The following RAI14 variants were observed in gnomAD, a reference collection of about 807,000 sequenced individuals.
The protein encoded by RAI14 is ankycorbin.
RAI14 carries 45 observed loss-of-function variants against 115.4 expected under a neutral mutation model. The ratio of observed to expected loss-of-function variants is 0.39; its 90% CI spans 0.31 to 0.50. The LOEUF (loss-of-function observed/expected upper bound fraction) is 0.50, where lower values mean the gene tolerates loss of function less well. Among genes scored for constraint, RAI14 ranks in the 20% least tolerant of loss-of-function variants. RAI14 has a pLI of 0.85. For missense variants in RAI14, 939 were observed against 1,131.2 expected (o/e 0.83, Z 2.44); for synonymous variants, 371 against 415.4 (o/e 0.89, Z 1.30).
intron 2 of RAI14, among the ~76,000 whole-genome samples, chr5:34,692,290 A>T (rs1738712666): frequency 6.6e-6 from 1 of 151,560 alleles, no homozygotes; most frequent in African/African-American, 2.4e-5. Context: ...ATAAAAGATA[A>T]CAGCTCTCAT....
intron 3 of RAI14, among the ~76,000 whole-genome samples, chr5:34,775,849 G>A (rs572071765): frequency 2.6e-5 from 4 of 152,264 alleles, no homozygotes; most frequent in Admixed American, 1.3e-4. Context: ...CCATTATGGA[G>A]AACGGTTTGG....
intron 1 of RAI14, chr5:34,685,039 C>T (rs149527244): frequency 4.7e-5 from 7 of 150,510 alleles, no homozygotes; most frequent in East Asian, 3.9e-4. Flanking sequence ...TAGCTACATG[C>T]GAAGTTTTCA....
rs371417277 is a variant in RAI14, at chr5:34,791,215, C to T, written c.168-4724C>T. Among the ~76,000 whole-genome samples the T allele has an allele frequency of 1.2e-4, 18 of 152,104 alleles. No individual in the cohort carries two copies. Among genetic ancestry groups the T allele is most frequent in the African/African-American group, 2.2e-4 (9 of 41,484 alleles). ...GGTTATTCTCTCAAAACCAAGTTAC[C>T]GTAAAAAGTTTGAATTTTAATATTT... On this transcript the variant is annotated intron_variant, in intron 3 of 17. Transcript: ENST00000265109. This position sits in a 1 kb window ranked among gnomAD's most constrained non-coding sequence, Gnocchi z 5.4.
chr5:34,786,891 A>G (rs1020813688), intron 3 of RAI14, among the ~76,000 whole-genome samples: 1 of 152,214 alleles, frequency 6.6e-6, no homozygotes, highest in Non-Finnish European at 1.5e-5. Flanking sequence ...ATTTACCCAC[A>G]TATTTATTGA....
At chr5:34,660,392 G>A (rs1477545117) in intron 1 of RAI14, among the ~76,000 whole-genome samples, 7 of 152,178 alleles carry the variant, frequency 4.6e-5, no homozygotes, top group Middle Eastern at 6.8e-3. Context: ...AGATCCCACC[G>A]GCCATTGTAC....
At chr5:34,711,542 A>G (rs1741402961) in intron 2 of RAI14, among the ~76,000 whole-genome samples, 1 of 152,226 alleles carries the variant, frequency 6.6e-6, no homozygotes, top group African/African-American at 2.4e-5. Context: ...GTATATGTGC[A>G]AGTCACAGGG....
chr5:34,686,355 T>C (rs1255178601), intron 1 of RAI14: 1 of 84,162 alleles, frequency 1.2e-5, no homozygotes, highest in African/African-American at 4.6e-5. Flanking sequence ...AGTGGGGGGT[T>C]GGGGGAGGTG....
chr5:34,820,713 G>A (rs1007907414), intron 13 of RAI14, among the ~76,000 whole-genome samples: 1 of 152,190 alleles, frequency 6.6e-6, no homozygotes, highest in African/African-American at 2.4e-5. Context: ...GGACTTTCTA[G>A]ATGAAGGAAG....
At chr5:34,746,169 G>C (rs1263113673) in intron 2 of RAI14, among the ~76,000 whole-genome samples, 2 of 145,290 alleles carry the variant, frequency 1.4e-5, no homozygotes, top group Admixed American at 1.4e-4. Flanking sequence ...GCAGCTGCGC[G>C]ATCCTGGCTC....
chr5:34,799,712 C>T (rs868440428), intron 4 of RAI14, among the ~76,000 whole-genome samples: 1 of 113,352 alleles, frequency 8.8e-6, no homozygotes, highest in Non-Finnish European at 1.7e-5. Flanking sequence ...TTTTTTGACA[C>T]GGAGTCTCAC....
chr5:34,658,270 C>T (rs1471865906), intron 1 of RAI14, among the ~76,000 whole-genome samples: 1 of 152,152 alleles, frequency 6.6e-6, no homozygotes, highest in Non-Finnish European at 1.5e-5. Flanking sequence ...TAGTGTCCCG[C>T]CCACCAGTAG....
At chr5:34,670,499 T>C (rs529425163) in intron 1 of RAI14, among the ~76,000 whole-genome samples, 3 of 152,350 alleles carry the variant, frequency 2.0e-5, no homozygotes, top group African/African-American at 7.2e-5. Flanking sequence ...AAGTAATCTT[T>C]AAGGATAGCT....
At chr5:34,721,531 A>G (rs1239716206) in intron 2 of RAI14, among the ~76,000 whole-genome samples, 2 of 152,112 alleles carry the variant, frequency 1.3e-5, no homozygotes, top group Non-Finnish European at 2.9e-5. Flanking sequence ...AGCCAGGCTC[A>G]AAAAAGTAAA....
chr5:34,686,212 CAGTT>C (rs1457076588), intron 1 of RAI14, among the ~76,000 whole-genome samples: 5 of 152,082 alleles, frequency 3.3e-5, no homozygotes, highest in African/African-American at 1.2e-4. Flanking sequence ...TGTACAGTGA[CAGTT>C]AAGCAGTAAC....
At chr5:34,712,268 G>A (rs1418254399) in intron 2 of RAI14, among the ~76,000 whole-genome samples, 4 of 152,068 alleles carry the variant, frequency 2.6e-5, no homozygotes, top group African/African-American at 7.2e-5. Flanking sequence ...TGTCTTCAAG[G>A]TACATTTCCT....
At chr5:34,787,984 A>G (rs1451129917) in intron 3 of RAI14, among the ~76,000 whole-genome samples, 1 of 126,496 alleles carries the variant, frequency 7.9e-6, no homozygotes. Context: ...TGGTGTGATC[A>G]CAGCTCACTG....
At chr5:34,736,215 A>G (rs1744857604) in intron 2 of RAI14, among the ~76,000 whole-genome samples, 1 of 152,214 alleles carries the variant, frequency 6.6e-6, no homozygotes, top group South Asian at 2.1e-4. Context: ...AGGCTGGCCA[A>G]CATGGCGAAG....
At chr5:34,681,116 G>A (rs142511462) in intron 1 of RAI14, among the ~76,000 whole-genome samples, 215 of 152,326 alleles carry the variant, frequency 1.4e-3, no homozygotes, top group African/African-American at 5.1e-3. Flanking sequence ...ATGGCGTGAG[G>A]TACTGTGTTG....
At position 34,831,598 on chromosome 5, in the gene RAI14, AT is replaced by A. The variant is rs1234971163; in HGVS notation, c.*840del. 3 of 152,430 alleles carry A rather than the reference AT, an allele frequency of 2.0e-5. No individual in the cohort carries two copies. The highest frequency in any genetic ancestry group is 2.1e-4 in the South Asian group (1 of 4,830). 9.4% of individuals were successfully genotyped at this position (152,430 alleles called of 1,614,324 possible). A position where few individuals can be genotyped will look rare whatever the true frequency, so the allele number is the denominator to read the frequency against. On this transcript the variant is annotated 3_prime_UTR_variant, in exon 18 of 18. Coordinates refer to ENST00000265109, the MANE Select transcript of RAI14 (RefSeq NM_015577.3). ...TCTTAACCTCAACTTTTGTAGAAGT[AT>A]TTTTTTCTCTGTAATATTTTTATTG...
Sources: allele counts gnomAD v4.1 joint callset (sites outside exome capture counted in the v4.1 genomes callset), GRCh38; gene constraint gnomAD v4.1.1; non-coding constraint Gnocchi (gnomAD v3.1); transcripts MANE v1.5; gene names NCBI Gene and HGNC (gene_info 2026-07-23, HGNC 2026-07-21).